The following CMTM2 variants were observed in gnomAD, a reference collection of about 807,000 sequenced individuals.
The protein encoded by CMTM2 is CKLF like MARVEL transmembrane domain containing 2, also known as CKLF-like MARVEL transmembrane domain-containing protein 2.
CMTM2 carries 15 observed loss-of-function variants against 16.8 expected under a neutral mutation model. The ratio of observed to expected loss-of-function variants is 0.89; its 90% CI spans 0.60 to 1.37. The LOEUF is 1.37. Among genes scored for constraint, CMTM2 ranks in the 40% most tolerant of loss-of-function variants. CMTM2 has a pLI of 0.00. For synonymous variants in CMTM2, 117 were observed against 118.7 expected (o/e 0.99, Z 0.09); for missense variants, 282 against 318.0 (o/e 0.89, Z 0.86).
chr16:66,587,243 G>A (rs1000987075), intron 3 of CMTM2, 145 bp downstream of exon 3: 95 of 683,744 alleles, frequency 1.4e-4, no homozygotes, highest in Non-Finnish European at 4.3e-5. Flanking sequence ...TAAGTAGGCC[G>A]GGTGCAGTGG....
intron 2 of CMTM2, among the ~76,000 whole-genome samples, chr16:66,586,204 C>T (rs1396255645): frequency 6.6e-6 from 1 of 152,110 alleles, no homozygotes; most frequent in Non-Finnish European, 1.5e-5. Flanking sequence ...AGCTGCCAGG[C>T]TCCCAGTGAG....
In CMTM2 at chr16:66,588,128, A is replaced by T. The variant is rs113992117; in HGVS notation, c.*9A>T. On this transcript the variant is annotated 3_prime_UTR_variant, in exon 4 of 4. Coordinates refer to ENST00000268595, the MANE Select transcript of CMTM2 (RefSeq NM_144673.3). The stretch of plus-strand genomic sequence containing the variant: ...CAAAGGGAAAGAAATGACTTGGAGG[A>T]GGCTCCTGGTGTCTGAAACGGCAGT... 1,233 of 1,611,986 alleles carry T rather than the reference A, an allele frequency of 7.6e-4. 11 individuals carry two copies. In the African/African-American group the frequency reaches 0.013, roughly 17 times the overall value.
chr16:66,582,522 G>A (rs1018932764), intron 2 of CMTM2, among the ~76,000 whole-genome samples: 4 of 152,160 alleles, frequency 2.6e-5, no homozygotes, highest in African/African-American at 9.7e-5. Context: ...ACAACATAGG[G>A]AGACCCTGTC....
chr16:66,587,849 G>A (rs2014812722), intron 3 of CMTM2, 70 bp from the exon 4 acceptor site: 3 of 1,505,390 alleles, frequency 2.0e-6, no homozygotes, highest in Non-Finnish European at 2.8e-6. Flanking sequence ...TGATGAATGA[G>A]AAACCAGGAG....
chr16:66,586,982 C>G lies in CMTM2; in HGVS notation c.445-15C>G. On this transcript the variant is annotated splice_polypyrimidine_tract_variant and intron_variant, in intron 2 of 3. Transcript: ENST00000268595. Reference sequence around the variant, plus strand: ...CCTGGCTTTGGCTGAGGCTGACTAACCTCTCCACCTTCAGGACCTCTTCAA... The same window carrying G: ...CCTGGCTTTGGCTGAGGCTGACTAAGCTCTCCACCTTCAGGACCTCTTCAA... The G allele has an allele frequency of 6.2e-7, 1 of 1,604,448 alleles. No homozygotes were observed. Among genetic ancestry groups the G allele is most frequent in the Non-Finnish European group, 8.5e-7 (1 of 1,171,246 alleles).
At position 66,579,544 on chromosome 16, in the gene CMTM2, C is replaced by T. The variant is rs1245224482; in HGVS notation, c.-64C>T. ...AGGCACTCTAGTAGGCCTGGCCTAC[C>T]CAGAAACAGCAGGAGAGAGAAGAAA... On this transcript the variant is annotated 5_prime_UTR_variant, in exon 1 of 4. Coordinates refer to ENST00000268595, the MANE Select transcript of CMTM2 (RefSeq NM_144673.3). The surrounding 1 kb of genome is among the most constrained non-coding windows in gnomAD (Gnocchi z 6.5). 6.3e-7 allele frequency: 1 copy of T among 1,594,086 alleles called. No homozygotes were observed. The highest frequency in any genetic ancestry group is 8.5e-7 in the Non-Finnish European group (1 of 1,171,484).
At chr16:66,586,896 A>G in intron 2 of CMTM2, 101 bp from the exon 3 acceptor site, 1 of 812,518 alleles carries the variant, frequency 1.2e-6, no homozygotes, top group Non-Finnish European at 2.2e-6. Flanking sequence ...AATCAGGTGG[A>G]AATTTGCAAA....
At position 66,579,857 on chromosome 16, in the gene CMTM2, C is replaced by T. The variant is rs1567382543; in HGVS notation, c.250C>T (p.Leu84Phe). The T allele has an allele frequency of 1.9e-6, 3 of 1,613,400 alleles. No homozygotes were observed. The highest frequency in any genetic ancestry group is 2.5e-6 in the Non-Finnish European group (3 of 1,179,884). ...AAAAGACAGCAATAAAGAGTTCTGG[C>T]TCTTGGGGCACGCTGAGATCAAGAT... ...ELKDSNKEFW[L>F]LGHAEIKIRS... The change falls in exon 1 of 4, where the codon CTC becomes TTC. Residue 84 changes from leucine (L) to phenylalanine (F), a missense_variant. Transcript: ENST00000268595. This position sits in a 1 kb window ranked among gnomAD's most constrained non-coding sequence, Gnocchi z 6.5.
At chr16:66,580,294 C>A in intron 2 of CMTM2, 110 bp downstream of exon 2, 1 of 1,229,432 alleles carries the variant, frequency 8.1e-7, no homozygotes, top group Non-Finnish European at 1.2e-6. Flanking sequence ...CATATCTGTG[C>A]CTGGGTCAGG....
chr16:66,584,936 C>A (rs868208947), intron 2 of CMTM2, among the ~76,000 whole-genome samples: 5 of 145,692 alleles, frequency 3.4e-5, no homozygotes. Context: ...CCTGCCTCTA[C>A]AAAAACAATT....
chr16:66,581,637 T>C (rs2014736702), intron 2 of CMTM2, among the ~76,000 whole-genome samples: 1 of 152,174 alleles, frequency 6.6e-6, no homozygotes, highest in South Asian at 2.1e-4. Flanking sequence ...GCCAGCGCCC[T>C]GGAAAGACTA....
intron 2 of CMTM2, among the ~76,000 whole-genome samples, chr16:66,584,410 C>A (rs2014768902): frequency 6.6e-6 from 1 of 152,182 alleles, no homozygotes; most frequent in African/African-American, 2.4e-5. Context: ...CACACACATA[C>A]ACACGCACGC....
intron 2 of CMTM2, among the ~76,000 whole-genome samples, chr16:66,584,418 C>T (rs543390998): frequency 3.3e-5 from 5 of 152,144 alleles, no homozygotes; most frequent in Non-Finnish European, 7.3e-5. Context: ...TACACACGCA[C>T]GCATCAAAGA....
At chr16:66,584,154 C>T (rs1332614546) in intron 2 of CMTM2, among the ~76,000 whole-genome samples, 2 of 152,216 alleles carry the variant, frequency 1.3e-5, no homozygotes, top group African/African-American at 2.4e-5. Context: ...CTGCCTCAGC[C>T]TCCTGAGTAG....
chr16:66,584,349 G>C (rs1006526539), intron 2 of CMTM2, among the ~76,000 whole-genome samples: 1 of 150,078 alleles, frequency 6.7e-6, no homozygotes, highest in Non-Finnish European at 1.5e-5. Context: ...CTTTATAAGA[G>C]AGCAGAGAAT....
chr16:66,580,508 G>A (rs917993354), intron 2 of CMTM2: 4 of 306,718 alleles, frequency 1.3e-5, no homozygotes, highest in South Asian at 1.1e-4. Context: ...GAACTCCTGT[G>A]CCAGCTCACA....
Position 66,579,941 on chromosome 16 carries a change from G to C in CMTM2, c.285+49G>C. 1 of 1,609,466 alleles carries C rather than the reference G, an allele frequency of 6.2e-7. No homozygotes were observed. Among genetic ancestry groups the C allele is most frequent in the Non-Finnish European group, 8.5e-7 (1 of 1,177,112 alleles). The stretch of plus-strand genomic sequence containing the variant: ...GTGGGGGGCCTTGGCCGAGGGTGGG[G>C]GGAAGGAGGAGTAGGCTCCAGGGGT... On this transcript the variant is annotated intron_variant, in intron 1 of 3. Coordinates refer to ENST00000268595, the MANE Select transcript of CMTM2 (RefSeq NM_144673.3). This position sits in a 1 kb window ranked among gnomAD's most constrained non-coding sequence, Gnocchi z 6.5.
At chr16:66,586,697 T>C (rs1026719787) in intron 2 of CMTM2, among the ~76,000 whole-genome samples, 4 of 152,040 alleles carry the variant, frequency 2.6e-5, no homozygotes, top group Non-Finnish European at 4.4e-5. Flanking sequence ...GGAGGAGACA[T>C]AGGCAGAAAC....
At position 66,587,920 on chromosome 16, in the gene CMTM2, T is replaced by A; in HGVS notation, c.548T>A (p.Ile183Asn). 3 of 1,614,042 alleles carry A rather than the reference T, an allele frequency of 1.9e-6. No homozygotes were observed. Among genetic ancestry groups the A allele is most frequent in the Non-Finnish European group, 2.5e-6 (3 of 1,179,996 alleles). ...CATGAGGACCGTTTTGTTTTCCAGATCCTTATTGGTGCGGCTGGAGTTTTT... is the reference window on the plus strand; with the variant it reads ...CATGAGGACCGTTTTGTTTTCCAGAACCTTATTGGTGCGGCTGGAGTTTTT... ...SMNLHYLLAV[I>N]LIGAAGVFAF... Residue 183 changes from isoleucine (I) to asparagine (N), a missense_variant and splice_region_variant, in exon 4 of 4, where the codon ATC becomes AAC. Coordinates refer to ENST00000268595, the MANE Select transcript of CMTM2 (RefSeq NM_144673.3).
Sources: allele counts gnomAD v4.1 joint callset (sites outside exome capture counted in the v4.1 genomes callset), GRCh38; gene constraint gnomAD v4.1.1; non-coding constraint Gnocchi (gnomAD v3.1); transcripts MANE v1.5; gene names NCBI Gene and HGNC (gene_info 2026-07-23, HGNC 2026-07-21).